Variants in SMG6 observed in about 807,000 individuals in gnomAD.
The protein encoded by SMG6 is SMG6 nonsense mediated mRNA decay factor.
Under a neutral mutation model 142.2 loss-of-function variants are expected in SMG6, and 66 were observed. The observed-to-expected ratio is 0.46, with a 90% CI of 0.38 to 0.57. SMG6 has a LOEUF of 0.57. Among genes scored for constraint, SMG6 ranks in the 20% least tolerant of loss-of-function variants. The pLI, the probability that SMG6 is intolerant of heterozygous loss-of-function variation, is 0.00. For missense variants in SMG6, 1,793 were observed against 1,832.0 expected (o/e 0.98, Z 0.39); for synonymous variants, 779 against 702.4 (o/e 1.11, Z -1.72).
At position 2,301,990 on chromosome 17, in the gene SMG6, C is replaced by T. The variant is rs190636928; in HGVS notation, c.89-1326G>A. On this transcript the variant is annotated intron_variant, in intron 1 of 18. Coordinates refer to ENST00000263073, the MANE Select transcript of SMG6 (RefSeq NM_017575.5). Reference sequence around the variant, plus strand: ...AGCATAGGCCAGGTGCAGTAGCTCACGCCTATAATCCCAGCACTTTGGGAG... The same window carrying T: ...AGCATAGGCCAGGTGCAGTAGCTCATGCCTATAATCCCAGCACTTTGGGAG... Among the ~76,000 whole-genome samples the T allele has an allele frequency of 2.2e-3, 337 of 152,324 alleles. 5 individuals are homozygous for T. Among genetic ancestry groups the T allele is most frequent in the African/African-American group, 7.3e-3 (304 of 41,572 alleles).
At chr17:2,259,313 C>G (rs2074261077) in intron 8 of SMG6, among the ~76,000 whole-genome samples, 1 of 151,902 alleles carries the variant, frequency 6.6e-6, no homozygotes, top group Non-Finnish European at 1.5e-5. Context: ...AACATGCACC[C>G]TCAAATAGTA....
chr17:2,161,262 G>C (rs2071168793), intron 13 of SMG6, among the ~76,000 whole-genome samples: 1 of 151,838 alleles, frequency 6.6e-6, no homozygotes, highest in African/African-American at 2.4e-5. Context: ...GCATCACCAA[G>C]CCTGGCTAAT....
At chr17:2,204,723 G>T (rs2072626899) in intron 10 of SMG6, among the ~76,000 whole-genome samples, 1 of 152,162 alleles carries the variant, frequency 6.6e-6, no homozygotes, top group Non-Finnish European at 1.5e-5. Context: ...CAACACTTTG[G>T]GATGCGAGGT....
chr17:2,230,241 A>G (rs2073443268), intron 10 of SMG6, among the ~76,000 whole-genome samples: 1 of 132,916 alleles, frequency 7.5e-6, no homozygotes, highest in African/African-American at 2.8e-5. Context: ...AGGAAAAGAA[A>G]AGTGTCCTGC....
rs866954780 is a variant in SMG6 at position 2,136,030 on chromosome 17, G to C, written c.3357+36628C>G. On this transcript the variant is annotated intron_variant, in intron 13 of 18. Transcript: ENST00000263073. ...TGTGTGTGTGTGTGTGTGTGTGTGT[G>C]TGTGTGTCTGTGTGTGTATATATAC... 1.2e-4 allele frequency among the ~76,000 whole-genome samples: 18 copies of C among 147,822 alleles called. No homozygotes were observed. In the South Asian group the frequency reaches 3.2e-3, roughly 26 times the overall value.
chr17:2,115,509 G>C (rs2069478082), intron 13 of SMG6, among the ~76,000 whole-genome samples: 2 of 151,966 alleles, frequency 1.3e-5, no homozygotes, highest in African/African-American at 4.8e-5. Context: ...TAGACCTTTG[G>C]GGAAGAAGAT....
At chr17:2,106,043 G>A (rs767245351) in intron 13 of SMG6, among the ~76,000 whole-genome samples, 12 of 152,180 alleles carry the variant, frequency 7.9e-5, no homozygotes, top group Non-Finnish European at 1.8e-4. Flanking sequence ...GCAACAGGGT[G>A]TGTTACTTAT....
At chr17:2,263,826 T>C (rs2074367279) in intron 8 of SMG6, among the ~76,000 whole-genome samples, 1 of 152,198 alleles carries the variant, frequency 6.6e-6, no homozygotes, top group Non-Finnish European at 1.5e-5. Flanking sequence ...TTTCATATTC[T>C]CTATCTTAGC....
At chr17:2,066,695 A>ACACACACACACACACACACACACACAC (rs60525218) in intron 16 of SMG6, among the ~76,000 whole-genome samples, 1 of 149,534 alleles carries the variant, frequency 6.7e-6, no homozygotes, top group Non-Finnish European at 1.5e-5. Context: ...ACACACACAC[A>ACACACACACACACACACACACACACAC]ATGCCCATGC....
At chr17:2,195,358 G>C (rs918041872) in intron 10 of SMG6, among the ~76,000 whole-genome samples, 1 of 152,102 alleles carries the variant, frequency 6.6e-6, no homozygotes, top group African/African-American at 2.4e-5. Context: ...CAATGGACAG[G>C]GTACAAAAGG....
rs2075064653 is a variant in SMG6 at position 2,292,684 on chromosome 17, AT to A, written c.2259-55del. ...CTAGTTCCAGATTAGCTTTTTCCCA[AT>A]TCATCCTGATAGCCCTAATACTTAA... is the stretch of plus-strand genomic sequence containing the variant. On this transcript the variant is annotated intron_variant, in intron 5 of 18. Coordinates refer to ENST00000263073, the MANE Select transcript of SMG6 (RefSeq NM_017575.5). The A allele has an allele frequency of 3.8e-6, 6 of 1,585,874 alleles. No individual in the cohort carries two copies. The African/African-American group carries it at 4.0e-5, about 11-fold the overall frequency.
At chr17:2,143,812 G>C (rs974718417) in intron 13 of SMG6, among the ~76,000 whole-genome samples, 2 of 152,082 alleles carry the variant, frequency 1.3e-5, no homozygotes, top group Non-Finnish European at 2.9e-5. Context: ...ATAATAAATT[G>C]TATCTTTTTA....
At chr17:2,131,551 G>C (rs2070121984) in intron 13 of SMG6, among the ~76,000 whole-genome samples, 1 of 152,040 alleles carries the variant, frequency 6.6e-6, no homozygotes, top group African/African-American at 2.4e-5. Flanking sequence ...GCTCACCTCG[G>C]TCTCCCAAAA....
intron 12 of SMG6, among the ~76,000 whole-genome samples, chr17:2,174,749 C>A (rs1196243599): frequency 6.6e-6 from 1 of 152,104 alleles, no homozygotes; most frequent in Non-Finnish European, 1.5e-5. Context: ...TTTGGCTCAG[C>A]CGGGTTTGGC....
chr17:2,110,081 CAAAAAAAAAAAAAA>C (rs57135671), intron 13 of SMG6, among the ~76,000 whole-genome samples: 45,883 of 88,904 alleles, frequency 0.52, 9,348 homozygotes, highest in African/African-American at 0.65. Context: ...GATTCCATCT[CAAAAAAAAAAAAAA>C]AAAAAAAAAA....
intron 13 of SMG6, among the ~76,000 whole-genome samples, chr17:2,129,793 C>CCAA (rs2070043396): frequency 1.8e-5 from 1 of 56,320 alleles, no homozygotes; most frequent in Non-Finnish European, 3.3e-5. Flanking sequence ...GGCTCTGTCT[C>CCAA]AAAAAAAAAA....
At chr17:2,258,757 C>G (rs1267497215) in intron 8 of SMG6, among the ~76,000 whole-genome samples, 13 of 150,756 alleles carry the variant, frequency 8.6e-5, no homozygotes, top group Non-Finnish European at 1.5e-5. Flanking sequence ...GTGATCACGC[C>G]ACTGCACTCC....
In SMG6 at chr17:2,061,862, T is replaced by C. The variant is rs550529789; in HGVS notation, c.4130-240A>G. 4 of 482,714 alleles carry C rather than the reference T, an allele frequency of 8.3e-6. No homozygotes were observed. The South Asian group carries it at 8.8e-5, about 11-fold the overall frequency. 29.9% of individuals were successfully genotyped at this position (482,714 alleles called of 1,614,324 possible). ...CGGCCTCCCATACAGGACTCTCTTCTGCCTAGTTCCCAAAAGCTGCCCAAA... is the reference window on the plus strand; with the variant it reads ...CGGCCTCCCATACAGGACTCTCTTCCGCCTAGTTCCCAAAAGCTGCCCAAA... On this transcript the variant is annotated intron_variant, in intron 18 of 18. Transcript: ENST00000263073.
At chr17:2,271,100 C>A (rs998363880) in intron 8 of SMG6, among the ~76,000 whole-genome samples, 1 of 146,838 alleles carries the variant, frequency 6.8e-6, no homozygotes, top group Admixed American at 6.8e-5. Flanking sequence ...GGAAATTGTT[C>A]TTCTGTTTTT....
Sources: allele counts gnomAD v4.1 joint callset (sites outside exome capture counted in the v4.1 genomes callset), GRCh38; gene constraint gnomAD v4.1.1; transcripts MANE v1.5; gene names NCBI Gene and HGNC (gene_info 2026-07-23, HGNC 2026-07-21).